Variants in KIAA1217 observed in about 807,000 individuals in gnomAD.
KIAA1217 encodes sickle tail protein homolog.
KIAA1217 carries 88 observed loss-of-function variants against 163.9 expected under a neutral mutation model. The ratio of observed to expected loss-of-function variants is 0.54; its 90% CI spans 0.45 to 0.64. The LOEUF is 0.64. Ranked by LOEUF, KIAA1217 falls within the 30% of genes least tolerant of loss-of-function variation. The pLI is 0.00. For synonymous variants in KIAA1217, 903 were observed against 923.1 expected (o/e 0.98, Z 0.39); for missense variants, 2,372 against 2,475.0 (o/e 0.96, Z 0.88).
At chr10:24,388,605 C>G (rs2054368588) in intron 3 of KIAA1217, among the ~76,000 whole-genome samples, 1 of 152,052 alleles carries the variant, frequency 6.6e-6, no homozygotes, top group Non-Finnish European at 1.5e-5. Flanking sequence ...AAGAAACTAC[C>G]ATCAGAGTGA....
chr10:24,045,497 C>T (rs1279706173), intron 2 of KIAA1217, among the ~76,000 whole-genome samples: 1 of 151,982 alleles, frequency 6.6e-6, no homozygotes, highest in Non-Finnish European at 1.5e-5. Flanking sequence ...ATCTACCCCA[C>T]CAATTTTTCT....
chr10:24,276,760 C>A (rs2077341482), intron 2 of KIAA1217, among the ~76,000 whole-genome samples: 1 of 152,100 alleles, frequency 6.6e-6, no homozygotes. Context: ...CAAGCATGTG[C>A]TACTACGCCC....
intron 7 of KIAA1217, 122 bp downstream of exon 7, chr10:24,494,726 C>A: frequency 2.7e-6 from 2 of 741,572 alleles, no homozygotes; most frequent in Non-Finnish European, 2.2e-6. Context: ...ATATTCACAT[C>A]TCTATGGATC....
At chr10:24,206,918 C>T (rs957322312), upstream of KIAA1217, among the ~76,000 whole-genome samples, 5 of 152,082 alleles carry the variant, frequency 3.3e-5, no homozygotes, top group African/African-American at 1.2e-4. Context: ...TGGTGGGAGA[C>T]ATTTCCCTAT....
intron 2 of KIAA1217, among the ~76,000 whole-genome samples, chr10:24,031,794 A>G (rs1417291981): frequency 6.6e-6 from 1 of 152,152 alleles, no homozygotes; most frequent in Non-Finnish European, 1.5e-5. Flanking sequence ...AACACATTAA[A>G]CTTGATGATC....
At chr10:23,942,342 G>A (rs1021160646) in intron 1 of KIAA1217, among the ~76,000 whole-genome samples, 34 of 152,084 alleles carry the variant, frequency 2.2e-4, no homozygotes, top group African/African-American at 7.7e-4. Flanking sequence ...AATACCAGAA[G>A]AGAAATGAAA....
chr10:23,879,390 G>A (rs1840848957), intron 1 of KIAA1217, among the ~76,000 whole-genome samples: 1 of 151,952 alleles, frequency 6.6e-6, no homozygotes, highest in Non-Finnish European at 1.5e-5. Context: ...ATATGAGGAA[G>A]AACCAGAAAA....
At chr10:24,325,564 C>T (rs1014812567) in intron 2 of KIAA1217, among the ~76,000 whole-genome samples, 1 of 152,174 alleles carries the variant, frequency 6.6e-6, no homozygotes, top group African/African-American at 2.4e-5. Context: ...TTTTCAAATG[C>T]CTTTTGCACC....
intron 2 of KIAA1217, among the ~76,000 whole-genome samples, chr10:24,366,194 C>T (rs2050757375): frequency 6.6e-6 from 1 of 152,030 alleles, no homozygotes; most frequent in African/African-American, 2.4e-5. Flanking sequence ...AATGTAATTC[C>T]AGCACTTTGG....
intron 1 of KIAA1217, among the ~76,000 whole-genome samples, chr10:23,744,847 T>C (rs1839311081): frequency 6.6e-6 from 1 of 152,164 alleles, no homozygotes; most frequent in Non-Finnish European, 1.5e-5. Context: ...TGTTGTAGTT[T>C]AGGTTGAAGG....
In KIAA1217 at chr10:24,473,276, C is replaced by T. The variant is rs769073090; in HGVS notation, c.895C>T (p.Arg299Cys). Residue 299 changes from arginine to cysteine, a missense_variant, in exon 6 of 21, where the codon CGC (arginine) becomes TGC (cysteine). Physicochemically the swap from Arg to Cys is radical, Grantham distance 180. Around this residue, in one of 3 missense-constraint regions of KIAA1217, gnomAD observed 1,431 missense variants for 1,470.3 expected, o/e 0.97. Transcript: ENST00000376454. ...YARGDGPGAP[R>C]PGSTAHPPHA... ...AAGAGGAGATGGCCCTGGGGCCCCT[C>T]GCCCCGGATCTACTGCTCATCCACC... 18 of 1,521,972 alleles carry T rather than the reference C, an allele frequency of 1.2e-5. No individual in the cohort carries two copies. Among genetic ancestry groups the T allele is most frequent in the South Asian group, 8.0e-5 (6 of 75,392 alleles). The allele number at this position is 1,521,972 out of a possible 1,614,324, so 94.3% of individuals were successfully genotyped here.
intron 2 of KIAA1217, among the ~76,000 whole-genome samples, chr10:24,192,003 C>G (rs962503852): frequency 7.9e-5 from 12 of 152,206 alleles, no homozygotes; most frequent in African/African-American, 2.9e-4. Flanking sequence ...CTTGGCCTCC[C>G]AAAGTGTTGG....
intron 1 of KIAA1217, among the ~76,000 whole-genome samples, chr10:23,704,260 T>C (rs2130715078): frequency 7.0e-6 from 1 of 142,460 alleles, no homozygotes; most frequent in African/African-American, 2.6e-5. Context: ...GGGCTTCTTT[T>C]TTTCTTTCCT....
chr10:23,718,853 AG>A (rs1564363578), intron 1 of KIAA1217, among the ~76,000 whole-genome samples: 43 of 148,096 alleles, frequency 2.9e-4, no homozygotes, highest in Middle Eastern at 3.4e-3. Flanking sequence ...AGGGAGGGGG[AG>A]AGAGAGAGAG....
At chr10:24,227,038 A>G (rs1254231840) in intron 2 of KIAA1217, among the ~76,000 whole-genome samples, 1 of 152,152 alleles carries the variant, frequency 6.6e-6, no homozygotes, top group African/African-American at 2.4e-5. Context: ...CAGTTAGTCT[A>G]TGTGGATTCT....
At chr10:24,431,219 G>A (rs896154382) in intron 3 of KIAA1217, among the ~76,000 whole-genome samples, 6 of 152,082 alleles carry the variant, frequency 3.9e-5, no homozygotes, top group East Asian at 1.9e-4. Flanking sequence ...ATATTGAACC[G>A]GAATTCATTC....
At chr10:23,869,877 A>G (rs1294452257) in intron 1 of KIAA1217, among the ~76,000 whole-genome samples, 1 of 152,176 alleles carries the variant, frequency 6.6e-6, no homozygotes, top group African/African-American at 2.4e-5. Flanking sequence ...TTTAGTTAAT[A>G]TCTTGTTGAC....
intron 1 of KIAA1217, among the ~76,000 whole-genome samples, chr10:23,721,953 T>C (rs1837892009): frequency 6.6e-6 from 1 of 152,140 alleles, no homozygotes; most frequent in East Asian, 1.9e-4. Context: ...GTCCCATTGA[T>C]GGATGCATGG....
At chr10:24,351,373 A>G (rs1477462483) in intron 2 of KIAA1217, among the ~76,000 whole-genome samples, 2 of 152,136 alleles carry the variant, frequency 1.3e-5, no homozygotes, top group Non-Finnish European at 2.9e-5. Flanking sequence ...TCTTTTCTAG[A>G]GATCCTGGCA....
Sources: allele counts gnomAD v4.1 joint callset (sites outside exome capture counted in the v4.1 genomes callset), GRCh38; gene constraint gnomAD v4.1.1; regional missense constraint gnomAD v4.1.1; transcripts MANE v1.5; gene names NCBI Gene and HGNC (gene_info 2026-07-23, HGNC 2026-07-21).